Variants in CYP7B1 observed in about 807,000 individuals in gnomAD.
The protein encoded by CYP7B1 is cytochrome P450 family 7 subfamily B member 1, also known as cytochrome P450 7B1.
In CYP7B1, 29 loss-of-function variants were observed where a neutral mutation model predicts 42.7. That is an observed-to-expected ratio of 0.68 (90% CI 0.51 to 0.93). The LOEUF (loss-of-function observed/expected upper bound fraction) is 0.93, where lower values mean the gene tolerates loss of function less well. CYP7B1 is among the 40% of genes least tolerant of loss of function. The pLI is 0.00. For missense variants in CYP7B1, 655 were observed against 600.5 expected (o/e 1.09, Z -0.95); for synonymous variants, 235 against 218.2 (o/e 1.08, Z -0.68).
At chr8:64,636,983 A>G (rs1805783645) in intron 1 of CYP7B1, among the ~76,000 whole-genome samples, 1 of 152,196 alleles carries the variant, frequency 6.6e-6, no homozygotes, top group Non-Finnish European at 1.5e-5. Flanking sequence ...TTAACTCATA[A>G]TTTCTTTCAT....
chr8:64,654,375 C>A (rs1296625123), intron 1 of CYP7B1, among the ~76,000 whole-genome samples: 2 of 152,138 alleles, frequency 1.3e-5, no homozygotes, highest in Non-Finnish European at 2.9e-5. Flanking sequence ...TGTATACCAA[C>A]AACAGCCAAG....
intron 1 of CYP7B1, among the ~76,000 whole-genome samples, chr8:64,646,804 T>C (rs987623069): frequency 6.6e-6 from 1 of 151,720 alleles, no homozygotes; most frequent in Non-Finnish European, 1.5e-5. Flanking sequence ...TTGTGGCTGG[T>C]TTGATCTTTT....
intron 1 of CYP7B1, among the ~76,000 whole-genome samples, chr8:64,685,209 C>T (rs1035169586): frequency 2.9e-4 from 44 of 151,110 alleles, no homozygotes; most frequent in Non-Finnish European, 4.3e-4. Context: ...ACGGGCCCCG[C>T]GGGGCCCGAG....
chr8:64,775,916 TG>T (rs1214061974), intron 1 of CYP7B1, among the ~76,000 whole-genome samples: 1 of 152,176 alleles, frequency 6.6e-6, no homozygotes, highest in East Asian at 1.9e-4. Context: ...AATGATTATC[TG>T]GTTCAGCTTC....
intron 1 of CYP7B1, among the ~76,000 whole-genome samples, chr8:64,683,911 C>T (rs1348035757): frequency 6.6e-6 from 1 of 152,162 alleles, no homozygotes; most frequent in Non-Finnish European, 1.5e-5. Flanking sequence ...ACCCTCGTGG[C>T]TCACTTCATT....
chr8:64,668,940 C>T (rs1033240058), intron 1 of CYP7B1, among the ~76,000 whole-genome samples: 3 of 152,020 alleles, frequency 2.0e-5, no homozygotes, highest in African/African-American at 7.2e-5. Context: ...AATCCCATAA[C>T]TGCTTTATAG....
chr8:64,727,502 G>C (rs1807341236), intron 1 of CYP7B1, among the ~76,000 whole-genome samples: 1 of 152,068 alleles, frequency 6.6e-6, no homozygotes, highest in Non-Finnish European at 1.5e-5. Context: ...AATAGTAAAT[G>C]ACACAAAGGA....
intron 1 of CYP7B1, among the ~76,000 whole-genome samples, chr8:64,789,511 GC>G (rs772086876): frequency 6.6e-5 from 10 of 152,196 alleles, no homozygotes; most frequent in Admixed American, 1.3e-4. Context: ...CTACAAGCAA[GC>G]CTTTGCACTC....
At chr8:64,599,998 C>T (rs2129629837) in intron 5 of CYP7B1, among the ~76,000 whole-genome samples, 2 of 152,216 alleles carry the variant, frequency 1.3e-5, no homozygotes, top group Middle Eastern at 6.8e-3. Flanking sequence ...CAACACAATG[C>T]TATTCCCATA....
At chr8:64,609,014 T>A (rs999892316) in intron 4 of CYP7B1, among the ~76,000 whole-genome samples, 1 of 152,204 alleles carries the variant, frequency 6.6e-6, no homozygotes, top group Non-Finnish European at 1.5e-5. Flanking sequence ...GGGCCACTGC[T>A]GCTGGTGTGA....
intron 1 of CYP7B1, among the ~76,000 whole-genome samples, chr8:64,629,949 G>C (rs1048151575): frequency 1.3e-5 from 2 of 152,172 alleles, no homozygotes; most frequent in Non-Finnish European, 2.9e-5. Context: ...GAGAGGCCTG[G>C]TGGGGACAAG....
chr8:64,621,273 A>C (rs1805525725), intron 2 of CYP7B1, among the ~76,000 whole-genome samples: 1 of 152,226 alleles, frequency 6.6e-6, no homozygotes, highest in Admixed American at 6.5e-5. Context: ...AGAGAAGCTA[A>C]CAGAATAATG....
At chr8:64,645,263 T>C (rs1805933014) in intron 1 of CYP7B1, among the ~76,000 whole-genome samples, 1 of 151,894 alleles carries the variant, frequency 6.6e-6, no homozygotes, top group Non-Finnish European at 1.5e-5. Context: ...TATAGTCCTT[T>C]GGGTATATAC....
At chr8:64,749,457 A>G (rs1024791019) in intron 1 of CYP7B1, among the ~76,000 whole-genome samples, 1 of 152,208 alleles carries the variant, frequency 6.6e-6, no homozygotes, top group Non-Finnish European at 1.5e-5. Flanking sequence ...AAAAGGTACC[A>G]TAGTAATCCA....
rs1024125177 is a variant in CYP7B1, at chr8:64,680,409, A to G, written c.123-55870T>C. 5.3e-5 allele frequency among the ~76,000 whole-genome samples: 8 copies of G among 152,274 alleles called. No homozygotes were observed. In the South Asian group the frequency reaches 1.7e-3, roughly 32 times the overall value. On this transcript the variant is annotated intron_variant, in intron 1 of 5. Coordinates refer to ENST00000310193, the MANE Select transcript of CYP7B1 (RefSeq NM_004820.5). ...CATCCTCTCACTGGAGGAAAACGCA[A>G]CAGTCCCTACCCAAACCAGGTCTGT...
In CYP7B1 at chr8:64,615,706, C is replaced by A. The variant is rs766759427; in HGVS notation, c.835G>T (p.Asp279Tyr). 1.2e-6 allele frequency: 2 copies of A among 1,613,528 alleles called. No homozygotes were observed. The highest frequency in any genetic ancestry group is 1.7e-6 in the Non-Finnish European group (2 of 1,179,620). ...DVLEKYYVHE[D>Y]LEIGAHHLGF... ...AAGTTCTTACCTCCTATTTCAAGGT[C>A]CTCGTGCACATAATATTTCTCCAGG... The change falls in exon 3 of 6, where the codon GAC (aspartate) becomes TAC (tyrosine). Residue 279 changes from aspartate to tyrosine, a missense_variant. Transcript: ENST00000310193.
At chr8:64,625,013 A>T (rs1026139535) in intron 1 of CYP7B1, among the ~76,000 whole-genome samples, 3 of 111,208 alleles carry the variant, frequency 2.7e-5, no homozygotes, top group African/African-American at 1.1e-4. Context: ...TCGCTCTGTC[A>T]CCCAGGCTGG....
intron 1 of CYP7B1, among the ~76,000 whole-genome samples, chr8:64,645,773 C>T (rs1331914601): frequency 6.6e-6 from 1 of 152,088 alleles, no homozygotes; most frequent in East Asian, 1.9e-4. Context: ...AAGCTGGAGG[C>T]ATCACACTAC....
rs1440616001 is a variant in CYP7B1, at chr8:64,615,939, A to G, written c.602T>C (p.Ile201Thr). 1.2e-6 allele frequency: 2 copies of G among 1,613,562 alleles called. No individual in the cohort carries two copies. Among genetic ancestry groups the G allele is most frequent in the East Asian group, 4.5e-5 (2 of 44,878 alleles). ...ITFTTIYGKV[I>T]VCDNNKFISE... ...AATAAATTTGTTGTTGTCACAAACAATAACTTTTCCATATATAGTTGTAAA... is the reference window on the plus strand; with the variant it reads ...AATAAATTTGTTGTTGTCACAAACAGTAACTTTTCCATATATAGTTGTAAA... The change falls in exon 3 of 6, where the codon ATT becomes ACT. Residue 201 changes from isoleucine to threonine, a missense_variant. Physicochemically the swap from Ile to Thr is moderately conservative, Grantham distance 89. Coordinates refer to ENST00000310193, the MANE Select transcript of CYP7B1 (RefSeq NM_004820.5).
Sources: allele counts gnomAD v4.1 joint callset (sites outside exome capture counted in the v4.1 genomes callset), GRCh38; gene constraint gnomAD v4.1.1; transcripts MANE v1.5; gene names NCBI Gene and HGNC (gene_info 2026-07-23, HGNC 2026-07-21).